The following UBA3 variants were observed in gnomAD, a reference collection of about 807,000 sequenced individuals.
UBA3 encodes ubiquitin like modifier activating enzyme 3.
A neutral mutation model predicts 73.5 loss-of-function variants in UBA3; 26 were observed. That is an observed-to-expected ratio of 0.35 (90% CI 0.26 to 0.49). The LOEUF (loss-of-function observed/expected upper bound fraction) is 0.49, where lower values mean the gene tolerates loss of function less well. Among genes scored for constraint, UBA3 ranks in the 20% least tolerant of loss-of-function variants. The probability of loss-of-function intolerance (pLI) is 0.98; values close to 1 mark genes in which losing one functional copy is unlikely to be tolerated. For synonymous variants in UBA3, 217 were observed against 191.2 expected, an observed-to-expected ratio of 1.13 and a Z score of -1.11; for missense variants, 495 against 555.6, an observed-to-expected ratio of 0.89 and a Z score of 1.10.
In UBA3 at chr3:69,066,065, C is replaced by T. The variant is rs374185299; in HGVS notation, c.428+1863G>A. On this transcript the variant is annotated intron_variant, in intron 6 of 17. Coordinates refer to ENST00000361055, the MANE Select transcript of UBA3 (RefSeq NM_003968.4). Reference sequence around the variant, plus strand: ...CTCCAGTCTGTGGCTTTTCTTCATCCGTTTAAGAGGGTCTTTCACACAGCA... The same window carrying T: ...CTCCAGTCTGTGGCTTTTCTTCATCTGTTTAAGAGGGTCTTTCACACAGCA... Among the ~76,000 whole-genome samples, 46 of 152,154 alleles carry T rather than the reference C, an allele frequency of 3.0e-4. No individual in the cohort carries two copies. In the East Asian group the frequency reaches 4.6e-3, roughly 15 times the overall value.
At chr3:69,078,911 C>G (rs1055529693) in intron 2 of UBA3, among the ~76,000 whole-genome samples, 1 of 152,162 alleles carries the variant, frequency 6.6e-6, no homozygotes, top group African/African-American at 2.4e-5. Flanking sequence ...TAAGGTGGGA[C>G]TCCTCTACAA....
At chr3:69,062,444 C>T (rs1396741217) in intron 9 of UBA3, among the ~76,000 whole-genome samples, 1 of 152,136 alleles carries the variant, frequency 6.6e-6, no homozygotes, top group Admixed American at 6.5e-5. Flanking sequence ...AAATACTGAA[C>T]AGATTTTCTC....
At chr3:69,075,917 T>C (rs1364651704) in intron 3 of UBA3, among the ~76,000 whole-genome samples, 2 of 152,032 alleles carry the variant, frequency 1.3e-5, no homozygotes, top group South Asian at 2.1e-4. Context: ...TTTTAGTAGA[T>C]ACAGGGTTTC....
At chr3:69,068,927 C>T (rs2092097458) in intron 5 of UBA3, among the ~76,000 whole-genome samples, 1 of 152,178 alleles carries the variant, frequency 6.6e-6, no homozygotes, top group African/African-American at 2.4e-5. Context: ...GCAAATGTTA[C>T]TATTACATCA....
chr3:69,058,773 G>A (rs1454966961), intron 11 of UBA3, among the ~76,000 whole-genome samples: 1 of 152,140 alleles, frequency 6.6e-6, no homozygotes, highest in Non-Finnish European at 1.5e-5. Flanking sequence ...TGGGCAGAAA[G>A]GCAACTTTCT....
chr3:69,078,737 T>G (rs2092191875), intron 2 of UBA3, among the ~76,000 whole-genome samples: 1 of 152,196 alleles, frequency 6.6e-6, no homozygotes, highest in Admixed American at 6.5e-5. Context: ...CCTCCCAAAG[T>G]GCTGGGATTA....
intron 6 of UBA3, 147 bp from the exon 7 acceptor site, chr3:69,064,258 A>T (rs1358219183): frequency 7.7e-6 from 5 of 647,480 alleles, no homozygotes; most frequent in Non-Finnish European, 9.9e-6. Flanking sequence ...AATCTGACTA[A>T]ATGAACACAA....
chr3:69,063,393 CA>C (rs2092039741), intron 8 of UBA3, 45 bp downstream of exon 8: 4 of 1,549,556 alleles, frequency 2.6e-6, no homozygotes, highest in African/African-American at 2.8e-5. Context: ...ATGTGAAGCA[CA>C]GCAGCAAGAA....
chr3:69,063,572 T>G, intron 7 of UBA3, 69 bp from the exon 8 acceptor site: 1 of 1,254,276 alleles, frequency 8.0e-7, no homozygotes, highest in Non-Finnish European at 1.1e-6. Flanking sequence ...TCAATGTAGA[T>G]TCATCAACTG....
intron 2 of UBA3, chr3:69,079,882 G>A: frequency 3.9e-6 from 2 of 506,864 alleles, no homozygotes; most frequent in South Asian, 5.6e-5. Flanking sequence ...GGCCCCTGCA[G>A]GAGCTGGGGC....
rs775476793 is a variant in UBA3, at chr3:69,061,944, A to G, written c.797-17T>C. 32 of 1,436,038 alleles carry G rather than the reference A, an allele frequency of 2.2e-5. No individual in the cohort carries two copies. The highest frequency in any genetic ancestry group is 1.4e-4 in the Admixed American group (7 of 49,434). The allele number at this position is 1,436,038 out of a possible 1,614,324, so 89.0% of individuals were successfully genotyped here. ...GAACCCCTTCTGTTTAAAAAAAAAAAGGGAGAGAGAGAGAGAGAGAAGACA... is the reference window on the plus strand; with the variant it reads ...GAACCCCTTCTGTTTAAAAAAAAAAGGGGAGAGAGAGAGAGAGAGAAGACA... On this transcript the variant is annotated splice_polypyrimidine_tract_variant and intron_variant, in intron 10 of 17. Coordinates refer to ENST00000361055, the MANE Select transcript of UBA3 (RefSeq NM_003968.4).
chr3:69,075,603 CAGGAAAAAATGCCACT>C, intron 3 of UBA3, 93 bp from the exon 4 acceptor site: 3 of 667,922 alleles, frequency 4.5e-6, no homozygotes, highest in Non-Finnish European at 6.7e-6. Context: ...CTGATGTTTC[CAGGAAAAAATGCCACT>C]AGGATAAAGA....
At chr3:69,067,628 A>G (rs1316791749) in intron 6 of UBA3, among the ~76,000 whole-genome samples, 1 of 152,192 alleles carries the variant, frequency 6.6e-6, no homozygotes, top group African/African-American at 2.4e-5. Context: ...TTTACACTCT[A>G]GTAAAGGAGA....
chr3:69,078,983 A>G (rs1380822733), intron 2 of UBA3, among the ~76,000 whole-genome samples: 2 of 152,302 alleles, frequency 1.3e-5, no homozygotes, highest in East Asian at 3.9e-4. Context: ...TTAATTTTCT[A>G]ATTTCCTATA....
At chr3:69,079,693 T>G (rs1442195816) in intron 2 of UBA3, 1 of 190,594 alleles carries the variant, frequency 5.2e-6, no homozygotes. Context: ...CATTAAAAGT[T>G]TGCAATTAGT....
intron 4 of UBA3, among the ~76,000 whole-genome samples, chr3:69,072,257 G>GA (rs2092127102): frequency 6.6e-6 from 1 of 152,062 alleles, no homozygotes; most frequent in South Asian, 2.1e-4. Flanking sequence ...GCAAAAAACT[G>GA]AAAAAAATAA....
chr3:69,061,980 A>C, intron 10 of UBA3, 53 bp from the exon 11 acceptor site: 1 of 1,454,228 alleles, frequency 6.9e-7, no homozygotes, highest in Non-Finnish European at 9.5e-7. Context: ...GGAATACGTA[A>C]TCACAAAACA....
intron 12 of UBA3, 96 bp from the exon 13 acceptor site, chr3:69,056,911 C>T: frequency 3.7e-6 from 5 of 1,343,122 alleles, no homozygotes; most frequent in Non-Finnish European, 1.0e-6. Context: ...TACATTGGCT[C>T]TTCATTAAAA....
intron 2 of UBA3, among the ~76,000 whole-genome samples, chr3:69,079,077 C>A (rs1346339412): frequency 6.6e-6 from 1 of 152,076 alleles, no homozygotes; most frequent in Non-Finnish European, 1.5e-5. Context: ...GCAATAAAAA[C>A]CATACGTTTT....
Sources: allele counts gnomAD v4.1 joint callset (sites outside exome capture counted in the v4.1 genomes callset), GRCh38; gene constraint gnomAD v4.1.1; transcripts MANE v1.5; gene names NCBI Gene and HGNC (gene_info 2026-07-23, HGNC 2026-07-21).